Variants in ABCA13 observed in about 807,000 individuals in gnomAD.
ABCA13 encodes ATP binding cassette subfamily A member 13.
Under a neutral mutation model 478.7 loss-of-function variants are expected in ABCA13, and 476 were observed. The ratio of observed to expected loss-of-function variants is 0.99; its 90% CI spans 0.92 to 1.07. The LOEUF (loss-of-function observed/expected upper bound fraction) is 1.07. ABCA13 is among the 50% of genes least tolerant of loss of function. The probability of loss-of-function intolerance (pLI) is 0.00; values close to 1 mark genes in which losing one functional copy is unlikely to be tolerated. For synonymous variants in ABCA13, 2,252 were observed against 2,158.9 expected (o/e 1.04, Z -1.20); for missense variants, 6,060 against 5,910.6 (o/e 1.03, Z -0.83).
intron 55 of ABCA13, among the ~76,000 whole-genome samples, chr7:48,567,941 T>A (rs1317991435): frequency 6.6e-6 from 1 of 152,112 alleles, no homozygotes; most frequent in Non-Finnish European, 1.5e-5. Context: ...TTAGGAACAA[T>A]CCCCAATACG....
At chr7:48,579,940 T>C (rs987990095) in intron 55 of ABCA13, among the ~76,000 whole-genome samples, 2 of 152,166 alleles carry the variant, frequency 1.3e-5, no homozygotes, top group African/African-American at 4.8e-5. Context: ...AAAGAAGACA[T>C]TTATACTGAA....
chr7:48,184,391 C>A (rs1355262994), intron 1 of ABCA13, among the ~76,000 whole-genome samples: 1 of 152,066 alleles, frequency 6.6e-6, no homozygotes, highest in Non-Finnish European at 1.5e-5. Context: ...CTTCAAATGG[C>A]TTTTCTGAAG....
In ABCA13 at chr7:48,524,348, C is replaced by T; in HGVS notation, c.14152C>T (p.Leu4718Phe). 6.2e-7 allele frequency: 1 copy of T among 1,613,190 alleles called. No individual in the cohort carries two copies. Among genetic ancestry groups the T allele is most frequent in the Non-Finnish European group, 8.5e-7 (1 of 1,179,474 alleles). Reference protein sequence around the residue: ...VFEGRTNGDILVLYNLSKHYR... With the variant: ...VFEGRTNGDIFVLYNLSKHYR... ...TGAAGGAAGGACCAATGGAGACATT[C>T]TTGTGTTATACAACCTTAGTAAACA... The change falls in exon 54 of 62, where the codon CTT (leucine) becomes TTT (phenylalanine). Residue 4718 changes from leucine (L) to phenylalanine (F), a missense_variant. Around this residue, in one of 3 missense-constraint regions of ABCA13, gnomAD observed 1,627 missense variants for 1,571.0 expected, o/e 1.04. Coordinates refer to ENST00000435803, the MANE Select transcript of ABCA13 (RefSeq NM_152701.5).
chr7:48,364,339 G>C (rs775679162), intron 31 of ABCA13, among the ~76,000 whole-genome samples: 3 of 152,132 alleles, frequency 2.0e-5, no homozygotes, highest in Non-Finnish European at 4.4e-5. Flanking sequence ...GTGATAATTG[G>C]ATACATGTGT....
chr7:48,220,969 T>C (rs1045775836), intron 4 of ABCA13, among the ~76,000 whole-genome samples: 1 of 152,160 alleles, frequency 6.6e-6, no homozygotes, highest in Admixed American at 6.5e-5. Context: ...CCCTCTCTCC[T>C]ATCCTGAATT....
At chr7:48,448,892 G>T (rs901112379) in intron 42 of ABCA13, among the ~76,000 whole-genome samples, 1 of 152,000 alleles carries the variant, frequency 6.6e-6, no homozygotes, top group Non-Finnish European at 1.5e-5. Context: ...TCCCAGACTG[G>T]ACTGTAGTGG....
At chr7:48,548,492 G>A (rs68084496) in intron 55 of ABCA13, among the ~76,000 whole-genome samples, 21,203 of 150,658 alleles carry the variant, frequency 0.14, 2,047 homozygotes, top group African/African-American at 0.23. Flanking sequence ...ATTTTCTTTA[G>A]TTAATGTAAT....
At chr7:48,244,847 T>A in intron 11 of ABCA13, 144 bp downstream of exon 11, 1 of 1,015,558 alleles carries the variant, frequency 9.8e-7, no homozygotes, top group Non-Finnish European at 1.4e-6. Context: ...TGCTTTACTC[T>A]GATGCCTTCT....
Position 48,314,324 on chromosome 7 carries a change from C to T in ABCA13, c.9774C>T (p.Ser3258=), listed in dbSNP as rs371721140. ...MVCKDQASFL[S]DSNMFINLPR... ...GCAAGGACCAAGCATCATTCCTTAG[C>T]GATTCTAATATGTTTATTAATTTGC... The change falls in exon 26 of 62, where the codon AGC becomes AGT. Residue 3258 remains serine (S), a synonymous_variant. Coordinates refer to ENST00000435803, the MANE Select transcript of ABCA13 (RefSeq NM_152701.5). The T allele has an allele frequency of 5.3e-5, 85 of 1,613,208 alleles. No individual in the cohort carries two copies. The highest frequency in any genetic ancestry group is 3.3e-4 in the Middle Eastern group (2 of 6,060).
At chr7:48,342,975 G>A (rs1051411983) in intron 29 of ABCA13, among the ~76,000 whole-genome samples, 1 of 151,782 alleles carries the variant, frequency 6.6e-6, no homozygotes, top group Non-Finnish European at 1.5e-5. Flanking sequence ...TCTAATTTTG[G>A]ACACAATACT....
intron 20 of ABCA13, among the ~76,000 whole-genome samples, chr7:48,289,678 G>A (rs569975129): frequency 1.5e-4 from 23 of 152,074 alleles, no homozygotes; most frequent in Non-Finnish European, 2.6e-4. Flanking sequence ...CAATTTTTTA[G>A]TGATGAGTGA....
intron 27 of ABCA13, among the ~76,000 whole-genome samples, chr7:48,322,278 T>C (rs1400773681): frequency 1.3e-5 from 2 of 152,228 alleles, no homozygotes; most frequent in Non-Finnish European, 2.9e-5. Context: ...CTGATAGTTA[T>C]GTTTGTTTCC....
rs1799531560 is a variant in ABCA13, at chr7:48,297,405, T to C, written c.9199+94T>C. On this transcript the variant is annotated intron_variant, in intron 22 of 61. Coordinates refer to ENST00000435803, the MANE Select transcript of ABCA13 (RefSeq NM_152701.5). ...TAAAATAAAACATACAACAGAAAAT[T>C]TATGCTATATGTGATACATAATCAT... 2.4e-5 allele frequency: 29 copies of C among 1,210,318 alleles called. 1 individual carries two copies. In the South Asian group the frequency reaches 3.5e-4, roughly 15 times the overall value. 75.0% of individuals were successfully genotyped at this position (1,210,318 alleles called of 1,614,324 possible).
At chr7:48,478,676 C>G (rs1250992506) in intron 45 of ABCA13, among the ~76,000 whole-genome samples, 1 of 152,126 alleles carries the variant, frequency 6.6e-6, no homozygotes, top group Non-Finnish European at 1.5e-5. Flanking sequence ...AACAGACACT[C>G]TCTGTTTAGG....
intron 2 of ABCA13, among the ~76,000 whole-genome samples, chr7:48,197,683 G>A (rs1798119145): frequency 6.7e-6 from 1 of 150,110 alleles, no homozygotes; most frequent in Admixed American, 6.7e-5. Flanking sequence ...TGTGTAAACA[G>A]CACATTATCC....
At chr7:48,486,582 C>T (rs1035429209) in intron 47 of ABCA13, among the ~76,000 whole-genome samples, 6 of 152,152 alleles carry the variant, frequency 3.9e-5, no homozygotes, top group South Asian at 2.1e-4. Context: ...CAACTATTTT[C>T]GGTTTTTGGT....
chr7:48,237,862 C>G (rs942883560), intron 8 of ABCA13, among the ~76,000 whole-genome samples: 5 of 152,208 alleles, frequency 3.3e-5, no homozygotes, highest in Non-Finnish European at 7.3e-5. Context: ...ATATCTGCCT[C>G]TCATAGGCTG....
intron 6 of ABCA13, 133 bp from the exon 7 acceptor site, chr7:48,229,692 A>T: frequency 1.0e-6 from 1 of 1,000,808 alleles, no homozygotes; most frequent in East Asian, 2.4e-5. Context: ...GAATGCTGAC[A>T]TGTAAATGGT....
Position 48,518,796 on chromosome 7 carries a change from CTT to C in ABCA13, c.13798-1241_13798-1240del, listed in dbSNP as rs1277297497. On this transcript the variant is annotated intron_variant, in intron 52 of 61. Transcript: ENST00000435803. The stretch of plus-strand genomic sequence containing the variant: ...AAGGTGACTGGATTCTCAGATCACT[CTT>C]TTTCTTAAAAAATAAAAATATTTTA... Among the ~76,000 whole-genome samples the C allele has an allele frequency of 2.0e-5, 3 of 151,978 alleles. No homozygotes were observed. The East Asian group carries it at 5.8e-4, about 29-fold the overall frequency.
Sources: allele counts gnomAD v4.1 joint callset (sites outside exome capture counted in the v4.1 genomes callset), GRCh38; gene constraint gnomAD v4.1.1; regional missense constraint gnomAD v4.1.1; transcripts MANE v1.5; gene names NCBI Gene and HGNC (gene_info 2026-07-23, HGNC 2026-07-21).